TOX: variants seen among roughly 807,000 people sequenced by gnomAD.
The protein encoded by TOX is thymocyte selection associated high mobility group box.
A neutral mutation model predicts 53.7 loss-of-function variants in TOX; 11 were observed. The observed-to-expected ratio is 0.20, with a 90% CI of 0.13 to 0.34. The LOEUF (loss-of-function observed/expected upper bound fraction) is 0.34. Ranked by LOEUF, TOX falls within the 10% of genes least tolerant of loss-of-function variation. The pLI, the probability that TOX is intolerant of heterozygous loss-of-function variation, is 1.00. For missense variants in TOX, 570 were observed against 664.6 expected, an observed-to-expected ratio of 0.86 and a Z score of 1.56; for synonymous variants, 225 against 245.3, an observed-to-expected ratio of 0.92 and a Z score of 0.77.
At chr8:58,855,933 C>T (rs115570757) in intron 3 of TOX, among the ~76,000 whole-genome samples, 2,235 of 152,274 alleles carry the variant, frequency 0.015, 62 homozygotes, top group African/African-American at 0.051. Context: ...GGAAAAACCC[C>T]ATACTTTGCT....
intron 4 of TOX, among the ~76,000 whole-genome samples, chr8:58,845,510 G>T (rs377383147): frequency 6.6e-6 from 1 of 152,036 alleles, no homozygotes; most frequent in Non-Finnish European, 1.5e-5. Context: ...TGTGAAATCA[G>T]CAAGGCTGTA....
At chr8:58,841,879 G>A (rs898134895) in intron 4 of TOX, among the ~76,000 whole-genome samples, 10 of 152,116 alleles carry the variant, frequency 6.6e-5, no homozygotes, top group African/African-American at 2.2e-4. Flanking sequence ...AGAAATAAAT[G>A]AATGCTTATT....
chr8:58,979,702 T>G (rs1013313266), intron 1 of TOX, among the ~76,000 whole-genome samples: 1 of 152,192 alleles, frequency 6.6e-6, no homozygotes. Flanking sequence ...TTCTCAAATG[T>G]CCAGTATATA....
chr8:59,064,438 ACT>A (rs1804050824), intron 1 of TOX, among the ~76,000 whole-genome samples: 1 of 152,206 alleles, frequency 6.6e-6, no homozygotes, highest in Non-Finnish European at 1.5e-5. Context: ...CATTGTCTTA[ACT>A]CTGGATAAAA....
At chr8:58,900,662 G>T (rs554857482) in intron 3 of TOX, among the ~76,000 whole-genome samples, 5 of 152,150 alleles carry the variant, frequency 3.3e-5, no homozygotes, top group African/African-American at 1.2e-4. Flanking sequence ...TCATGTGAGT[G>T]TATTTCTTAG....
chr8:59,068,436 A>G (rs993058852), intron 1 of TOX, among the ~76,000 whole-genome samples: 2 of 152,090 alleles, frequency 1.3e-5, no homozygotes, highest in Non-Finnish European at 2.9e-5. Flanking sequence ...AGAGGTGACA[A>G]AAGAGGAAAA....
At chr8:58,988,696 A>G (rs904749059) in intron 1 of TOX, among the ~76,000 whole-genome samples, 1 of 152,230 alleles carries the variant, frequency 6.6e-6, no homozygotes, top group African/African-American at 2.4e-5. Context: ...TAATAATGTA[A>G]TAATAATAAA....
intron 3 of TOX, among the ~76,000 whole-genome samples, chr8:58,922,040 G>A (rs1812083553): frequency 6.6e-6 from 1 of 152,174 alleles, no homozygotes; most frequent in Non-Finnish European, 1.5e-5. Context: ...TTGGATCATA[G>A]AATGCCGTGG....
intron 1 of TOX, among the ~76,000 whole-genome samples, chr8:59,002,614 A>AC (rs1337232221): frequency 6.6e-6 from 1 of 151,874 alleles, no homozygotes; most frequent in East Asian, 1.9e-4. Context: ...CAACAAAAAA[A>AC]AAACAAACAA....
At chr8:59,034,900 G>C (rs80282742) in intron 1 of TOX, among the ~76,000 whole-genome samples, 6,279 of 152,266 alleles carry the variant, frequency 0.041, 187 homozygotes, top group Non-Finnish European at 0.065. Context: ...TTTTATAAGT[G>C]AGCAAATTGA....
chr8:59,102,538 G>A (rs543630007), intron 1 of TOX, among the ~76,000 whole-genome samples: 6 of 152,098 alleles, frequency 3.9e-5, no homozygotes, highest in African/African-American at 7.2e-5. Context: ...CGAAACTCCC[G>A]TTTTTAAAAC....
chr8:59,095,948 C>G (rs1041996524), intron 1 of TOX, among the ~76,000 whole-genome samples: 1 of 152,154 alleles, frequency 6.6e-6, no homozygotes, highest in African/African-American at 2.4e-5. Context: ...TGATCACACA[C>G]TTTTAAATAA....
rs1169953248 is a variant in TOX, at chr8:58,851,486, A to G, written c.693+38T>C. The G allele has an allele frequency of 1.9e-6, 3 of 1,604,622 alleles. No homozygotes were observed. The highest frequency in any genetic ancestry group is 2.2e-5 in the East Asian group (1 of 44,700). ...CACAGGTCAAAGAAGGTGCCTAAGAATAGTCTCCCATAGGTCCTAAAAATA... is the reference window on the plus strand; with the variant it reads ...CACAGGTCAAAGAAGGTGCCTAAGAGTAGTCTCCCATAGGTCCTAAAAATA... On this transcript the variant is annotated intron_variant, in intron 4 of 8. Transcript: ENST00000361421. The surrounding 1 kb of genome is among the most constrained non-coding windows in gnomAD (Gnocchi z 4.4).
chr8:59,025,179 T>C (rs1814211731), intron 1 of TOX, among the ~76,000 whole-genome samples: 1 of 152,124 alleles, frequency 6.6e-6, no homozygotes, highest in South Asian at 2.1e-4. Context: ...ATCTGCAAGA[T>C]TGATAATCTG....
chr8:58,894,476 G>A (rs755219926), intron 3 of TOX, among the ~76,000 whole-genome samples: 17 of 152,346 alleles, frequency 1.1e-4, no homozygotes, highest in Middle Eastern at 6.8e-3. Context: ...AAAAGAATAG[G>A]AGAAAGAGCT....
intron 1 of TOX, among the ~76,000 whole-genome samples, chr8:59,111,626 C>A (rs1314204523): frequency 6.6e-6 from 1 of 152,084 alleles, no homozygotes; most frequent in Non-Finnish European, 1.5e-5. Flanking sequence ...ACCAATGTTT[C>A]TAGCTCGGTA....
At chr8:58,889,413 G>C (rs959942595) in intron 3 of TOX, among the ~76,000 whole-genome samples, 1 of 151,946 alleles carries the variant, frequency 6.6e-6, no homozygotes, top group South Asian at 2.1e-4. Context: ...AAAAGAAAAA[G>C]TCAGGGTTAG....
At chr8:58,817,548 G>A in intron 6 of TOX, among the ~76,000 whole-genome samples, 1 of 152,120 alleles carries the variant, frequency 6.6e-6, no homozygotes, top group East Asian at 1.9e-4. Flanking sequence ...AACATGTACT[G>A]CAATTCATAT....
At chr8:58,937,650 G>A (rs1004769516) in intron 3 of TOX, among the ~76,000 whole-genome samples, 24 of 152,160 alleles carry the variant, frequency 1.6e-4, no homozygotes, top group Admixed American at 1.1e-3. Context: ...TTACTAGAAA[G>A]GAGGTAAATT....
Sources: allele counts gnomAD v4.1 joint callset (sites outside exome capture counted in the v4.1 genomes callset), GRCh38; gene constraint gnomAD v4.1.1; non-coding constraint Gnocchi (gnomAD v3.1); transcripts MANE v1.5; gene names NCBI Gene and HGNC (gene_info 2026-07-23, HGNC 2026-07-21).